Variants in EPHA5 observed in about 807,000 individuals in gnomAD.
EPHA5 encodes the protein EPH receptor A5, also known as ephrin type-A receptor 5.
A neutral mutation model predicts 105.0 loss-of-function variants in EPHA5; 60 were observed. The observed-to-expected ratio is 0.57, with a 90% CI of 0.46 to 0.71. EPHA5 has a LOEUF of 0.71. Among genes scored for constraint, EPHA5 ranks in the 30% least tolerant of loss-of-function variants. The probability of loss-of-function intolerance (pLI) is 0.00; values close to 1 mark genes in which losing one functional copy is unlikely to be tolerated. For synonymous variants in EPHA5, 513 were observed against 449.1 expected, an observed-to-expected ratio of 1.14 and a Z score of -1.80; for missense variants, 1,218 against 1,274.7, an observed-to-expected ratio of 0.96 and a Z score of 0.68.
At position 65,457,135 on chromosome 4, in the gene EPHA5, T is replaced by A. The variant is rs535049758; in HGVS notation, c.1402+33242A>T. Among the ~76,000 whole-genome samples the A allele has an allele frequency of 3.9e-5, 6 of 152,266 alleles. No individual in the cohort carries two copies. The South Asian group carries it at 1.2e-3, about 32-fold the overall frequency. The stretch of plus-strand genomic sequence containing the variant: ...TGTGAACTGAAATAAACATACTGCG[T>A]TAATTCCTCCAGTAAGAATGAGTGG... On this transcript the variant is annotated intron_variant, in intron 5 of 16. Transcript: ENST00000613740.
intron 3 of EPHA5, among the ~76,000 whole-genome samples, chr4:65,563,651 C>T (rs1042862009): frequency 4.6e-5 from 7 of 151,968 alleles, no homozygotes; most frequent in African/African-American, 1.7e-4. Flanking sequence ...ACCAAATCCA[C>T]ATATCCTGTT....
At position 65,351,741 on chromosome 4, in the gene EPHA5, G is replaced by C. The variant is rs1722839220; in HGVS notation, c.2236-143C>G. On this transcript the variant is annotated intron_variant, in intron 12 of 16. Transcript: ENST00000613740. The stretch of plus-strand genomic sequence containing the variant: ...TTCTATCTGAAGGAGATTGGAAAAT[G>C]GTAGGAAGTATATGGCTAACTTGGT... The C allele has an allele frequency of 5.6e-6, 4 of 710,354 alleles. No individual in the cohort carries two copies. The East Asian group carries it at 1.1e-4, about 19-fold the overall frequency. 44.0% of individuals were successfully genotyped at this position (710,354 alleles called of 1,614,324 possible). A position where few individuals can be genotyped will look rare whatever the true frequency, so the allele number is the denominator to read the frequency against.
At chr4:65,415,013 A>G (rs6849874) in intron 6 of EPHA5, among the ~76,000 whole-genome samples, 97,623 of 152,086 alleles carry the variant, frequency 0.64, 32,040 homozygotes, top group South Asian at 0.77. Flanking sequence ...GATAAGCAAA[A>G]CGTTTTTATT....
chr4:65,342,084 C>G lies in EPHA5; in HGVS notation c.2596-5959G>C, dbSNP rs76330361. Among the ~76,000 whole-genome samples the G allele has an allele frequency of 2.2e-3, 335 of 152,038 alleles. 1 individual carries two copies. The highest frequency in any genetic ancestry group is 7.7e-3 in the African/African-American group (319 of 41,512). ...AGATCTTAGAAATCTTCTGTTGAAG[C>G]CTATTCCCTTTATAATCATTGAAAC... On this transcript the variant is annotated intron_variant, in intron 14 of 16. Transcript: ENST00000613740.
intron 11 of EPHA5, among the ~76,000 whole-genome samples, chr4:65,360,178 C>T (rs1397898559): frequency 1.3e-5 from 2 of 151,588 alleles, no homozygotes; most frequent in East Asian, 1.9e-4. Context: ...CCTTTCCCAG[C>T]TTGATTTTCT....
Position 65,319,568 on chromosome 4 carries a change from G to A in EPHA5, c.*4546C>T. ...TCAAGCATGACAATCAGATGTAACTGTATTCAAAGGGTTTTTATTTTCTGA... is the reference window on the plus strand; with the variant it reads ...TCAAGCATGACAATCAGATGTAACTATATTCAAAGGGTTTTTATTTTCTGA... On this transcript the variant is annotated 3_prime_UTR_variant, in exon 17 of 17. Coordinates refer to ENST00000613740, the MANE Select transcript of EPHA5 (RefSeq NM_001281766.3). The A allele has an allele frequency of 1.5e-5, 3 of 196,262 alleles. No individual in the cohort carries two copies. Among genetic ancestry groups the A allele is most frequent in the Non-Finnish European group, 3.2e-5 (3 of 94,472 alleles). The allele number at this position is 196,262 out of a possible 1,614,324, so 12.2% of individuals were successfully genotyped here. A position where few individuals can be genotyped will look rare whatever the true frequency, so the allele number is the denominator to read the frequency against.
intron 1 of EPHA5, among the ~76,000 whole-genome samples, chr4:65,653,220 G>A (rs945494834): frequency 2.6e-5 from 4 of 151,932 alleles, no homozygotes; most frequent in Admixed American, 1.3e-4. Context: ...TAAAGTGATG[G>A]CACATACCAA....
Position 65,490,437 on chromosome 4 carries a change from A to C in EPHA5, c.1342T>G (p.Ser448Ala), listed in dbSNP as rs2149212443. ...TGCCGGGCTCCTGGGCTCAAGTCGG[A>C]CACTCCATTCACTGCCTCAATCTCA... The part of the protein sequence containing the change: ...TFEIEAVNGV[S>A]DLSPGARQYV... Residue 448 changes from serine to alanine, a missense_variant, in exon 5 of 17, where the codon TCC becomes GCC. Transcript: ENST00000613740. The C allele has an allele frequency of 6.2e-7, 1 of 1,614,084 alleles. No individual in the cohort carries two copies. The highest frequency in any genetic ancestry group is 1.1e-5 in the South Asian group (1 of 91,072).
intron 1 of EPHA5, among the ~76,000 whole-genome samples, chr4:65,645,157 G>T (rs1056655587): frequency 6.6e-6 from 1 of 151,916 alleles, no homozygotes; most frequent in East Asian, 1.9e-4. Flanking sequence ...TTACTTTATG[G>T]TTGGCTTTCC....
At chr4:65,547,416 G>A (rs1329778020) in intron 3 of EPHA5, among the ~76,000 whole-genome samples, 1 of 151,606 alleles carries the variant, frequency 6.6e-6, no homozygotes, top group East Asian at 1.9e-4. Flanking sequence ...TTTTTAAAAA[G>A]GTCAGTCAAT....
chr4:65,474,748 A>G (rs1729629416), intron 5 of EPHA5, among the ~76,000 whole-genome samples: 1 of 152,204 alleles, frequency 6.6e-6, no homozygotes, highest in Admixed American at 6.5e-5. Context: ...ATGAACGGTT[A>G]ATTATTAATA....
At chr4:65,371,179 T>A (rs1718431026) in intron 8 of EPHA5, among the ~76,000 whole-genome samples, 1 of 152,120 alleles carries the variant, frequency 6.6e-6, no homozygotes, top group Non-Finnish European at 1.5e-5. Context: ...ACTAAAAACA[T>A]CTGTAGTGTC....
At chr4:65,562,192 G>T (rs752436583) in intron 3 of EPHA5, among the ~76,000 whole-genome samples, 1 of 152,000 alleles carries the variant, frequency 6.6e-6, no homozygotes, top group African/African-American at 2.4e-5. Flanking sequence ...TTTCTCAACC[G>T]CAATCCAAGT....
At chr4:65,660,458 TC>T (rs1749463292) in intron 1 of EPHA5, among the ~76,000 whole-genome samples, 1 of 152,142 alleles carries the variant, frequency 6.6e-6, no homozygotes, top group African/African-American at 2.4e-5. Flanking sequence ...AAGATGACGA[TC>T]TGTGAGTGTG....
chr4:65,430,985 G>T (rs1297906346), intron 5 of EPHA5, among the ~76,000 whole-genome samples: 1 of 152,044 alleles, frequency 6.6e-6, no homozygotes, highest in Non-Finnish European at 1.5e-5. Flanking sequence ...ACTCTTAGTT[G>T]TATTACCTAA....
At chr4:65,583,834 G>A (rs1168184656) in intron 3 of EPHA5, among the ~76,000 whole-genome samples, 1 of 151,298 alleles carries the variant, frequency 6.6e-6, no homozygotes, top group African/African-American at 2.4e-5. Context: ...TTCCCAAAAG[G>A]TAGACTAAAT....
chr4:65,538,680 T>C (rs1736530043), intron 3 of EPHA5, among the ~76,000 whole-genome samples: 1 of 151,660 alleles, frequency 6.6e-6, no homozygotes, highest in African/African-American at 2.4e-5. Context: ...ACTTCCTGTG[T>C]TGTAGCTAGG....
chr4:65,531,284 G>T (rs2149302501), intron 3 of EPHA5, among the ~76,000 whole-genome samples: 1 of 151,708 alleles, frequency 6.6e-6, no homozygotes, highest in Admixed American at 6.6e-5. Flanking sequence ...TGATCCACCC[G>T]CCTCGGCCTC....
Position 65,578,385 on chromosome 4 carries a change from G to C in EPHA5, c.910+23256C>G, listed in dbSNP as rs139045450. 8.3e-3 allele frequency among the ~76,000 whole-genome samples: 1,271 copies of C among 152,258 alleles called. 21 individuals are homozygous for C. Among genetic ancestry groups the C allele is most frequent in the African/African-American group, 0.029 (1,221 of 41,542 alleles). On this transcript the variant is annotated intron_variant, in intron 3 of 16. Coordinates refer to ENST00000613740, the MANE Select transcript of EPHA5 (RefSeq NM_001281766.3). The stretch of plus-strand genomic sequence containing the variant: ...TATGGAAAGGTCAGTAACAGACACT[G>C]TGGGTGGAGGAAAAGGATATAGGAC...
Sources: allele counts gnomAD v4.1 joint callset (sites outside exome capture counted in the v4.1 genomes callset), GRCh38; gene constraint gnomAD v4.1.1; transcripts MANE v1.5; gene names NCBI Gene and HGNC (gene_info 2026-07-23, HGNC 2026-07-21).